Variants in DPYD observed in about 807,000 individuals in gnomAD.
The protein encoded by DPYD is dihydropyrimidine dehydrogenase.
In DPYD, 109 loss-of-function variants were observed where a neutral mutation model predicts 116.2. The observed-to-expected ratio is 0.94, with a 90% CI of 0.80 to 1.10. The LOEUF (loss-of-function observed/expected upper bound fraction) is 1.10, where lower values mean the gene tolerates loss of function less well. DPYD is among the 50% of genes least tolerant of loss of function. The pLI is 0.00. For synonymous variants in DPYD, 440 were observed against 432.0 expected (o/e 1.02, Z -0.23); for missense variants, 1,302 against 1,254.5 (o/e 1.04, Z -0.57).
At chr1:97,808,179 C>T (rs7544948) in intron 3 of DPYD, among the ~76,000 whole-genome samples, 150,217 of 152,220 alleles carry the variant, frequency 0.99, 74,147 homozygotes, top group Middle Eastern at 1. Flanking sequence ...TGTAATTACA[C>T]TGAATCTGTG....
intron 3 of DPYD, among the ~76,000 whole-genome samples, chr1:97,802,323 C>T (rs1030917197): frequency 1.3e-5 from 2 of 151,840 alleles, no homozygotes; most frequent in Non-Finnish European, 2.9e-5. Context: ...TAAGAACTGC[C>T]AAAATGTCAG....
rs1223978129 is a variant in DPYD at position 97,819,253 on chromosome 1, CA to C, written c.233+8860del. ...CTGCTGATTTGGGGAGTAGGGCTTT[CA>C]GGAGGTTCCTGCTGATCTATTTAGT... is the stretch of plus-strand genomic sequence containing the variant. On this transcript the variant is annotated intron_variant, in intron 3 of 22. Coordinates refer to ENST00000370192, the MANE Select transcript of DPYD (RefSeq NM_000110.4). 2.6e-5 allele frequency among the ~76,000 whole-genome samples: 4 copies of C among 152,016 alleles called. No homozygotes were observed. The South Asian group carries it at 8.3e-4, about 32-fold the overall frequency.
At chr1:97,163,329 A>G (rs1218933989) in intron 20 of DPYD, among the ~76,000 whole-genome samples, 1 of 152,208 alleles carries the variant, frequency 6.6e-6, no homozygotes, top group Non-Finnish European at 1.5e-5. Flanking sequence ...AAGGACATGA[A>G]CAGACACTTT....
At chr1:97,471,775 G>A (rs185630561) in intron 13 of DPYD, among the ~76,000 whole-genome samples, 2 of 151,692 alleles carry the variant, frequency 1.3e-5, no homozygotes, top group Non-Finnish European at 2.9e-5. Flanking sequence ...TTTTTAGTAG[G>A]GACTGGGTTT....
At chr1:97,733,157 C>T (rs115103894) in intron 4 of DPYD, among the ~76,000 whole-genome samples, 1,850 of 152,112 alleles carry the variant, frequency 0.012, 35 homozygotes, top group African/African-American at 0.042. Context: ...TTTTAGCAAT[C>T]TGGGAGGAAA....
At chr1:97,596,163 C>T (rs11165900) in intron 8 of DPYD, among the ~76,000 whole-genome samples, 4,815 of 151,926 alleles carry the variant, frequency 0.032, 267 homozygotes, top group African/African-American at 0.11. Context: ...GACAACAGAA[C>T]GAATATTTGA....
At chr1:97,791,889 T>C (rs1018101411) in intron 3 of DPYD, among the ~76,000 whole-genome samples, 2 of 152,166 alleles carry the variant, frequency 1.3e-5, no homozygotes, top group Non-Finnish European at 2.9e-5. Context: ...AGAAAGGAAG[T>C]TAGTAATGGG....
intron 3 of DPYD, among the ~76,000 whole-genome samples, chr1:97,750,364 C>T (rs76574588): frequency 6.6e-6 from 1 of 151,832 alleles, no homozygotes; most frequent in Non-Finnish European, 1.5e-5. Context: ...CTATACAATT[C>T]CTAGATGTAC....
intron 16 of DPYD, among the ~76,000 whole-genome samples, chr1:97,362,166 A>C (rs1167979202): frequency 6.6e-6 from 1 of 152,216 alleles, no homozygotes; most frequent in Non-Finnish European, 1.5e-5. Context: ...AATAACGGAC[A>C]AACAGAGAGC....
At chr1:97,711,271 TA>T (rs1244185298) in intron 5 of DPYD, among the ~76,000 whole-genome samples, 1 of 151,912 alleles carries the variant, frequency 6.6e-6, no homozygotes, top group Non-Finnish European at 1.5e-5. Flanking sequence ...ATGAAAACGT[TA>T]AGTGTTTATA....
intron 8 of DPYD, among the ~76,000 whole-genome samples, chr1:97,659,428 C>T (rs922018061): frequency 1.3e-5 from 2 of 152,112 alleles, no homozygotes; most frequent in Non-Finnish European, 2.9e-5. Flanking sequence ...GTGGTATCAG[C>T]TCAACATATT....
intron 1 of DPYD, among the ~76,000 whole-genome samples, chr1:97,904,108 C>G (rs1298471126): frequency 6.6e-6 from 1 of 151,886 alleles, no homozygotes; most frequent in Non-Finnish European, 1.5e-5. Flanking sequence ...TTCTCTGCAC[C>G]ATCCCTCCCC....
At chr1:97,124,448 CA>C (rs975709305) in intron 20 of DPYD, among the ~76,000 whole-genome samples, 2 of 151,950 alleles carry the variant, frequency 1.3e-5, no homozygotes, top group African/African-American at 4.8e-5. Flanking sequence ...TACAGTTACC[CA>C]AAAAAACAGT....
At position 97,286,666 on chromosome 1, in the gene DPYD, C is replaced by A. The variant is rs563268693; in HGVS notation, c.2299+18593G>T. Among the ~76,000 whole-genome samples the A allele has an allele frequency of 7.0e-3, 1,061 of 152,236 alleles. 21 individuals carry two copies. Among genetic ancestry groups the A allele is most frequent in the African/African-American group, 0.024 (999 of 41,536 alleles). ...ACTTCCCTTCTCACTTCATTTCATTCATTTCATCTTCCATCACTGATACCC... is the reference window on the plus strand; with the variant it reads ...ACTTCCCTTCTCACTTCATTTCATTAATTTCATCTTCCATCACTGATACCC... On this transcript the variant is annotated intron_variant, in intron 18 of 22. Transcript: ENST00000370192.
chr1:97,287,458 G>A (rs919476848), intron 18 of DPYD, among the ~76,000 whole-genome samples: 5 of 152,130 alleles, frequency 3.3e-5, no homozygotes, highest in Non-Finnish European at 5.9e-5. Context: ...TCTCTTCAAA[G>A]CTGTCAGACA....
chr1:97,135,880 G>A (rs1337634822), intron 20 of DPYD, among the ~76,000 whole-genome samples: 1 of 152,124 alleles, frequency 6.6e-6, no homozygotes, highest in Non-Finnish European at 1.5e-5. Flanking sequence ...CTGAGAGAGT[G>A]TTTCTGTTAT....
At chr1:97,807,626 G>C (rs971094759) in intron 3 of DPYD, among the ~76,000 whole-genome samples, 1 of 152,034 alleles carries the variant, frequency 6.6e-6, no homozygotes, top group East Asian at 1.9e-4. Context: ...TTGCAGAGCA[G>C]AAGTATTTAA....
Position 97,157,016 on chromosome 1 carries a change from A to G in DPYD, c.2622+36053T>C, listed in dbSNP as rs1458462424. ...ATCATTCTCAGTAAACTATCGCAAG[A>G]ACAAAAAACCAAACACCGCATATTC... On this transcript the variant is annotated intron_variant, in intron 20 of 22. Coordinates refer to ENST00000370192, the MANE Select transcript of DPYD (RefSeq NM_000110.4). Among the ~76,000 whole-genome samples, 16 of 150,180 alleles carry G rather than the reference A, an allele frequency of 1.1e-4. 1 individual carries two copies. The highest frequency in any genetic ancestry group is 4.3e-4 in the South Asian group (2 of 4,684).
intron 12 of DPYD, among the ~76,000 whole-genome samples, chr1:97,527,980 T>TC (rs1649281451): frequency 6.6e-6 from 1 of 152,164 alleles, no homozygotes; most frequent in Non-Finnish European, 1.5e-5. Context: ...GGGCCCTATC[T>TC]TGGAGTACAG....
Sources: gnomAD v4.1 joint callset for allele counts (sites outside exome capture counted in the v4.1 genomes callset) on GRCh38, gnomAD v4.1.1 for gene constraint, MANE v1.5 for transcripts, NCBI Gene and HGNC (gene_info 2026-07-23, HGNC 2026-07-21) for gene names.